Variants in ROBO1 observed in about 807,000 individuals in gnomAD.
ROBO1 encodes roundabout homolog 1.
In ROBO1, 149 loss-of-function variants were observed where a neutral mutation model predicts 195.9. The observed-to-expected ratio is 0.76, with a 90% CI of 0.67 to 0.87. The LOEUF is 0.87. ROBO1 is among the 40% of genes least tolerant of loss of function. The pLI is 0.00. For missense variants in ROBO1, 1,933 were observed against 2,068.3 expected, an observed-to-expected ratio of 0.93 and a Z score of 1.27; for synonymous variants, 816 against 733.2, an observed-to-expected ratio of 1.11 and a Z score of -1.82.
intron 2 of ROBO1, among the ~76,000 whole-genome samples, chr3:79,259,277 T>G (rs2082894820): frequency 1.3e-5 from 2 of 152,078 alleles, no homozygotes; most frequent in African/African-American, 4.8e-5. Context: ...CCCCAGCAGC[T>G]GCATGCAACA....
intron 4 of ROBO1, among the ~76,000 whole-genome samples, chr3:78,780,473 A>G (rs1468110582): frequency 6.6e-6 from 1 of 151,842 alleles, no homozygotes; most frequent in African/African-American, 2.4e-5. Flanking sequence ...TTTTCATTCC[A>G]TATACATGCA....
At chr3:78,841,596 C>T (rs1405273129) in intron 4 of ROBO1, among the ~76,000 whole-genome samples, 1 of 151,952 alleles carries the variant, frequency 6.6e-6, no homozygotes, top group Non-Finnish European at 1.5e-5. Context: ...ATAGGGAAGG[C>T]CTTTCTAACA....
intron 27 of ROBO1, among the ~76,000 whole-genome samples, chr3:78,616,566 G>A (rs902433582): frequency 6.6e-6 from 1 of 151,918 alleles, no homozygotes; most frequent in Non-Finnish European, 1.5e-5. Context: ...AAAAATAATG[G>A]CCAATCCAAT....
chr3:79,314,371 A>C (rs574146525), intron 2 of ROBO1, among the ~76,000 whole-genome samples: 31 of 152,134 alleles, frequency 2.0e-4, no homozygotes, highest in African/African-American at 7.5e-4. Context: ...GTGGGAGGTT[A>C]CCCTCATGCT....
At chr3:78,921,686 CT>C (rs1025311693) in intron 4 of ROBO1, among the ~76,000 whole-genome samples, 3 of 152,034 alleles carry the variant, frequency 2.0e-5, no homozygotes, top group Non-Finnish European at 2.9e-5. Flanking sequence ...CAGAAACACA[CT>C]TTTAAACAGG....
intron 2 of ROBO1, among the ~76,000 whole-genome samples, chr3:79,545,790 C>A (rs917318556): frequency 6.6e-6 from 1 of 152,012 alleles, no homozygotes; most frequent in Non-Finnish European, 1.5e-5. Flanking sequence ...GATTGTAATT[C>A]ATTAAATCAA....
intron 2 of ROBO1, among the ~76,000 whole-genome samples, chr3:79,141,504 C>A (rs555869269): frequency 1.3e-5 from 2 of 151,774 alleles, no homozygotes; most frequent in African/African-American, 4.8e-5. Flanking sequence ...GGCTTACCCC[C>A]GATTCATTCA....
At chr3:79,158,201 A>T (rs1041583629) in intron 2 of ROBO1, among the ~76,000 whole-genome samples, 2 of 151,634 alleles carry the variant, frequency 1.3e-5, no homozygotes, top group African/African-American at 4.8e-5. Context: ...CTTGATTATG[A>T]GTAGAGTACC....
chr3:79,672,001 CT>C (rs975306511), intron 1 of ROBO1, among the ~76,000 whole-genome samples: 6 of 151,956 alleles, frequency 3.9e-5, no homozygotes, highest in Admixed American at 1.3e-4. Context: ...TTAGTTTCTT[CT>C]GCACAGGTTT....
rs368110549 is a variant in ROBO1, at chr3:79,303,159, G to GTTTTTTTT, written c.89-177621_89-177620insAAAAAAAA. On this transcript the variant is annotated intron_variant, in intron 2 of 30. Coordinates refer to ENST00000464233, the MANE Select transcript of ROBO1 (RefSeq NM_002941.4). ...ATTAATATATGAATTATCTCACATA[G>GTTTTTTTT]GTTTTTTTTTTTTTTTTTTTTTTTG... Among the ~76,000 whole-genome samples, 18 of 72,088 alleles carry GTTTTTTTT rather than the reference G, an allele frequency of 2.5e-4. 1 individual carries two copies. The highest frequency in any genetic ancestry group is 3.9e-4 in the Non-Finnish European group (16 of 41,248). 47.3% of individuals were successfully genotyped at this position (72,088 alleles called of 152,430 possible).
chr3:79,080,606 A>G (rs1453661472), intron 3 of ROBO1, among the ~76,000 whole-genome samples: 1 of 152,042 alleles, frequency 6.6e-6, no homozygotes, highest in Non-Finnish European at 1.5e-5. Context: ...GAAAAACAGT[A>G]TTTGCATAAA....
intron 3 of ROBO1, among the ~76,000 whole-genome samples, chr3:79,002,678 C>T (rs1422021171): frequency 1.3e-5 from 2 of 152,110 alleles, no homozygotes; most frequent in African/African-American, 4.8e-5. Flanking sequence ...ATGTCAATTG[C>T]TAACCTGAAA....
At chr3:79,434,679 T>G (rs2038816470) in intron 2 of ROBO1, among the ~76,000 whole-genome samples, 1 of 152,106 alleles carries the variant, frequency 6.6e-6, no homozygotes, top group African/African-American at 2.4e-5. Flanking sequence ...TCTAGATCTA[T>G]TAATACCATT....
At chr3:79,125,411 A>G in intron 3 of ROBO1, 45 bp downstream of exon 3, 2 of 1,466,960 alleles carry the variant, frequency 1.4e-6, no homozygotes, top group Non-Finnish European at 1.9e-6. Flanking sequence ...ATGGAGGTGG[A>G]GGCATTTCAG....
intron 4 of ROBO1, among the ~76,000 whole-genome samples, chr3:78,892,051 T>A (rs1284460412): frequency 6.6e-6 from 1 of 152,196 alleles, no homozygotes; most frequent in East Asian, 1.9e-4. Context: ...GATTAGATAC[T>A]CCATTGTATG....
chr3:78,749,022 T>C (rs1482778695), intron 4 of ROBO1, among the ~76,000 whole-genome samples: 1 of 152,136 alleles, frequency 6.6e-6, no homozygotes, highest in Admixed American at 6.6e-5. Context: ...AGACTTTCAC[T>C]ATTTATAAAC....
rs150800381 is a variant in ROBO1 at position 78,616,837 on chromosome 3, T to G, written c.4282+798A>C. Among the ~76,000 whole-genome samples, 464 of 152,294 alleles carry G rather than the reference T, an allele frequency of 3.0e-3. 6 individuals are homozygous for G. The highest frequency in any genetic ancestry group is 0.01 in the African/African-American group (423 of 41,574). ...ATAAATAAGTCTTACATTTAAATTC[T>G]TTTCTTTCTTGAACTATTTACTTTC... On this transcript the variant is annotated intron_variant, in intron 27 of 30. Coordinates refer to ENST00000464233, the MANE Select transcript of ROBO1 (RefSeq NM_002941.4).
chr3:79,438,377 CA>C (rs1322315613), intron 2 of ROBO1, among the ~76,000 whole-genome samples: 2 of 151,782 alleles, frequency 1.3e-5, no homozygotes, highest in East Asian at 3.9e-4. Context: ...CATAACAATA[CA>C]AATCTTTCAT....
intron 4 of ROBO1, among the ~76,000 whole-genome samples, chr3:78,772,422 T>A (rs1253250286): frequency 3.9e-5 from 6 of 152,066 alleles, no homozygotes; most frequent in Non-Finnish European, 4.4e-5. Context: ...TCTAATTTTG[T>A]AAAAGGACGT....
Sources: gnomAD v4.1 joint callset for allele counts (sites outside exome capture counted in the v4.1 genomes callset) on GRCh38, gnomAD v4.1.1 for gene constraint, MANE v1.5 for transcripts, NCBI Gene and HGNC (gene_info 2026-07-23, HGNC 2026-07-21) for gene names.